The following GCN1 variants were observed in gnomAD, a reference collection of about 807,000 sequenced individuals.
GCN1 encodes the protein GCN1 activator of EIF2AK4, also known as stalled ribosome sensor GCN1.
A neutral mutation model predicts 288.4 loss-of-function variants in GCN1; 90 were observed. The ratio of observed to expected loss-of-function variants is 0.31; its 90% CI spans 0.26 to 0.37. The LOEUF (loss-of-function observed/expected upper bound fraction) is 0.37, where lower values mean the gene tolerates loss of function less well. Ranked by LOEUF, GCN1 falls within the 10% of genes least tolerant of loss-of-function variation. The pLI, the probability that GCN1 is intolerant of heterozygous loss-of-function variation, is 1.00. For synonymous variants in GCN1, 1,386 were observed against 1,420.2 expected (o/e 0.98, Z 0.54); for missense variants, 2,586 against 3,419.9 (o/e 0.76, Z 6.08).
chr12:120,194,047 A>C (rs1317617545), intron 1 of GCN1, among the ~76,000 whole-genome samples: 1 of 152,244 alleles, frequency 6.6e-6, no homozygotes, highest in Non-Finnish European at 1.5e-5. Context: ...CCTGGACAGG[A>C]CAGTTCTTTT....
chr12:120,170,110 C>A, intron 15 of GCN1, 59 bp downstream of exon 15: 1 of 1,480,068 alleles, frequency 6.8e-7, no homozygotes, highest in Non-Finnish European at 9.4e-7. Flanking sequence ...GACACACCTC[C>A]CAAGGACTCT....
rs761234454 is a variant in GCN1 at position 120,137,964 on chromosome 12, G to A, written c.6330C>T (p.Gly2110=). The part of the protein sequence containing the change: ...VAGDALTRHL[G]VILPAVMLAL... ...CCAGCATGACCGCTGGGAGGATCAC[G>A]CCAAGATGACGGGTGAGGGCATCAC... The change falls in exon 48 of 58, where the codon GGC becomes GGT. Residue 2110 remains glycine (G), a synonymous_variant. Transcript: ENST00000300648. This position sits in a 1 kb window ranked among gnomAD's most constrained non-coding sequence, Gnocchi z 5.2. The A allele has an allele frequency of 1.9e-6, 3 of 1,614,150 alleles. No homozygotes were observed. Among genetic ancestry groups the A allele is most frequent in the East Asian group, 2.2e-5 (1 of 44,890 alleles).
At position 120,134,192 on chromosome 12, in the gene GCN1, G is replaced by T; in HGVS notation, c.7317+99C>A. ...AATGTCAGGAATGCTTATTACTACTGAGCTGTACTGGTTCTAACACAAAGT... is the reference window on the plus strand; with the variant it reads ...AATGTCAGGAATGCTTATTACTACTTAGCTGTACTGGTTCTAACACAAAGT... On this transcript the variant is annotated intron_variant, in intron 53 of 57. Transcript: ENST00000300648. The surrounding 1 kb of genome is among the most constrained non-coding windows in gnomAD (Gnocchi z 5.0). The T allele has an allele frequency of 1.3e-6, 1 of 751,210 alleles. No individual in the cohort carries two copies. The highest frequency in any genetic ancestry group is 2.4e-6 in the Non-Finnish European group (1 of 424,986). The allele number at this position is 751,210 out of a possible 1,614,324, so 46.5% of individuals were successfully genotyped here.
At chr12:120,182,795 C>T in intron 5 of GCN1, among the ~76,000 whole-genome samples, 1 of 152,098 alleles carries the variant, frequency 6.6e-6, no homozygotes, top group East Asian at 1.9e-4. Flanking sequence ...AAAGAATTAG[C>T]CAGGTGTGGT....
In GCN1 at chr12:120,156,371, G is replaced by A; in HGVS notation, c.3312+90C>T. Reference sequence around the variant, plus strand: ...TTGCCTCTAGGCCTCCCACCAGAGTGAGGGACATTCTCTCAAATGCCCATC... The same window carrying A: ...TTGCCTCTAGGCCTCCCACCAGAGTAAGGGACATTCTCTCAAATGCCCATC... On this transcript the variant is annotated intron_variant, in intron 28 of 57. Transcript: ENST00000300648. This position sits in a 1 kb window ranked among gnomAD's most constrained non-coding sequence, Gnocchi z 5.8. The A allele has an allele frequency of 2.3e-6, 3 of 1,317,960 alleles. No homozygotes were observed. Among genetic ancestry groups the A allele is most frequent in the Non-Finnish European group, 1.1e-6 (1 of 933,844 alleles). The allele number at this position is 1,317,960 out of a possible 1,614,324, so 81.6% of individuals were successfully genotyped here.
chr12:120,133,523 C>T (rs1594258339), intron 53 of GCN1, among the ~76,000 whole-genome samples: 1 of 152,228 alleles, frequency 6.6e-6, no homozygotes, highest in Middle Eastern at 3.4e-3. Flanking sequence ...CTAAGACTTG[C>T]CACCGGGACA....
In GCN1 at chr12:120,163,264, G is replaced by A. The variant is rs1877989947; in HGVS notation, c.1849-5C>T. 2 of 1,612,092 alleles carry A rather than the reference G, an allele frequency of 1.2e-6. No homozygotes were observed. The highest frequency in any genetic ancestry group is 1.7e-6 in the Non-Finnish European group (2 of 1,178,290). ...CAAAGCCTCTAAGGGCAGCACCTGTGTGGAGACACATGAGATAATACTGCT... is the reference window on the plus strand; with the variant it reads ...CAAAGCCTCTAAGGGCAGCACCTGTATGGAGACACATGAGATAATACTGCT... On this transcript the variant is annotated splice_region_variant and splice_polypyrimidine_tract_variant and intron_variant, in intron 18 of 57. Transcript: ENST00000300648.
intron 2 of GCN1, among the ~76,000 whole-genome samples, chr12:120,185,989 CAG>C: frequency 6.6e-6 from 1 of 152,118 alleles, no homozygotes. Flanking sequence ...TGGAGTGAAA[CAG>C]ATACACTCTA....
At position 120,158,237 on chromosome 12, in the gene GCN1, T is replaced by C. The variant is rs1240881408; in HGVS notation, c.2906-207A>G. 6.6e-6 allele frequency among the ~76,000 whole-genome samples: 1 copy of C among 152,184 alleles called. No individual in the cohort carries two copies. Among genetic ancestry groups the C allele is most frequent in the Non-Finnish European group, 1.5e-5 (1 of 68,024 alleles). ...CTTCTACTGCCAAACACTGCCCAGT[T>C]CCAGGATGTGAGAGTTAAAACAGAG... On this transcript the variant is annotated intron_variant, in intron 25 of 57. Transcript: ENST00000300648. This position sits in a 1 kb window ranked among gnomAD's most constrained non-coding sequence, Gnocchi z 4.3.
At chr12:120,135,030 CA>C (rs1280725332) in intron 51 of GCN1, among the ~76,000 whole-genome samples, 1 of 152,210 alleles carries the variant, frequency 6.6e-6, no homozygotes, top group African/African-American at 2.4e-5. Flanking sequence ...GAGACCTGTC[CA>C]TATCGATAAG....
At chr12:120,148,893 C>T (rs1423338666) in intron 36 of GCN1, among the ~76,000 whole-genome samples, 1 of 151,992 alleles carries the variant, frequency 6.6e-6, no homozygotes, top group African/African-American at 2.4e-5. Context: ...GATTATAGCT[C>T]GCTGCAGCCC....
chr12:120,169,154 G>A (rs995763474), intron 15 of GCN1, among the ~76,000 whole-genome samples: 1 of 151,842 alleles, frequency 6.6e-6, no homozygotes, highest in Non-Finnish European at 1.5e-5. Context: ...AATTAGCCGC[G>A]CGTGGCGGCG....
rs780682486 is a variant in GCN1 at position 120,153,735 on chromosome 12, C to G, written c.3867+9G>C. ...TCCCGTGGGTGTTCCCTGGCTGGGA[C>G]CCCCTTACCTTCCCATGAGTGTTGA... On this transcript the variant is annotated intron_variant, in intron 32 of 57. Coordinates refer to ENST00000300648, the MANE Select transcript of GCN1 (RefSeq NM_006836.2). This position sits in a 1 kb window ranked among gnomAD's most constrained non-coding sequence, Gnocchi z 4.4. The G allele has an allele frequency of 1.2e-6, 2 of 1,612,848 alleles. No homozygotes were observed. The highest frequency in any genetic ancestry group is 1.7e-6 in the Non-Finnish European group (2 of 1,179,210).
chr12:120,168,104 G>C, intron 16 of GCN1, 104 bp downstream of exon 16: 1 of 766,128 alleles, frequency 1.3e-6, no homozygotes. Flanking sequence ...TCTGGCCCAG[G>C]TTTTTGCAGA....
intron 42 of GCN1, among the ~76,000 whole-genome samples, 197 bp from the exon 43 acceptor site, chr12:120,143,138 A>G (rs1387489772): frequency 6.6e-6 from 1 of 152,264 alleles, no homozygotes; most frequent in African/African-American, 2.4e-5. Flanking sequence ...AACATACATT[A>G]ATGTTGAGGG....
rs1878385717 is a variant in GCN1 at position 120,173,832 on chromosome 12, GC to G, written c.1193-7del. 6.2e-7 allele frequency: 1 copy of G among 1,610,906 alleles called. No homozygotes were observed. The highest frequency in any genetic ancestry group is 8.5e-7 in the Non-Finnish European group (1 of 1,177,950). On this transcript the variant is annotated splice_polypyrimidine_tract_variant and splice_region_variant and intron_variant, in intron 13 of 57. Transcript: ENST00000300648. Reference sequence around the variant, plus strand: ...TACCAAGGTCCCTTCATGAACTAGGGCAAAAAGCAGAAGTCCAGTCAGTCCA... The same window carrying G: ...TACCAAGGTCCCTTCATGAACTAGGGAAAAAGCAGAAGTCCAGTCAGTCCA...
intron 56 of GCN1, 78 bp downstream of exon 56, chr12:120,130,568 C>A: frequency 1.1e-6 from 1 of 930,836 alleles, no homozygotes; most frequent in South Asian, 1.3e-5. Context: ...TGAGGGCGCA[C>A]TGCTGGTGGT....
At chr12:120,152,607 T>C (rs1238626805) in intron 33 of GCN1, among the ~76,000 whole-genome samples, 1 of 127,050 alleles carries the variant, frequency 7.9e-6, no homozygotes, top group East Asian at 2.2e-4. Flanking sequence ...ACACTCTAAG[T>C]GGTCCAAAAT....
At chr12:120,128,330 C>T (rs904234593) in intron 57 of GCN1, among the ~76,000 whole-genome samples, 2 of 150,524 alleles carry the variant, frequency 1.3e-5, no homozygotes, top group African/African-American at 4.9e-5. Context: ...GGAGTTGCAG[C>T]TTTTGGGCTT....
Sources: gnomAD v4.1 joint callset for allele counts (sites outside exome capture counted in the v4.1 genomes callset) on GRCh38, gnomAD v4.1.1 for gene constraint, Gnocchi (gnomAD v3.1) non-coding constraint, MANE v1.5 for transcripts, NCBI Gene and HGNC (gene_info 2026-07-23, HGNC 2026-07-21) for gene names.